KLRD1: variants seen among roughly 807,000 people sequenced by gnomAD.
KLRD1 encodes natural killer cells antigen CD94.
Under a neutral mutation model 22.6 loss-of-function variants are expected in KLRD1, and 21 were observed. The ratio of observed to expected loss-of-function variants is 0.93; its 90% CI spans 0.66 to 1.34. The LOEUF is 1.34. Among genes scored for constraint, KLRD1 ranks in the 40% most tolerant of loss-of-function variants. KLRD1 has a pLI of 0.00. For missense variants in KLRD1, 183 were observed against 208.6 expected, an observed-to-expected ratio of 0.88 and a Z score of 0.76; for synonymous variants, 59 against 71.1, an observed-to-expected ratio of 0.83 and a Z score of 0.85.
chr12:10,253,985 G>A (rs1425668475), intron 1 of KLRD1, among the ~76,000 whole-genome samples: 1 of 152,104 alleles, frequency 6.6e-6, no homozygotes, highest in Non-Finnish European at 1.5e-5. Context: ...CTATAAAAAC[G>A]CTGGAAAACA....
chr12:10,248,530 T>TTTCCTGCCTTCC (rs1949313819), intron 1 of KLRD1, among the ~76,000 whole-genome samples: 1 of 96,586 alleles, frequency 1.0e-5, no homozygotes, highest in Non-Finnish European at 2.1e-5. Flanking sequence ...TGTATTTTCT[T>TTTCCTGCCTTCC]TTCCTTCCTT....
chr12:10,286,191 C>T (rs1268166853), intron 1 of KLRD1, among the ~76,000 whole-genome samples: 5 of 152,168 alleles, frequency 3.3e-5, no homozygotes. Context: ...ACACCTGTTA[C>T]ACATAAAGTG....
chr12:10,263,786 C>CAG (rs1488190387), intron 1 of KLRD1, among the ~76,000 whole-genome samples: 6 of 151,964 alleles, frequency 3.9e-5, no homozygotes, highest in African/African-American at 1.4e-4. Context: ...CTGAGTCGTT[C>CAG]CCTCGCCAGA....
intron 1 of KLRD1, among the ~76,000 whole-genome samples, chr12:10,269,341 A>G (rs1565454371): frequency 6.6e-6 from 1 of 152,002 alleles, no homozygotes; most frequent in Admixed American, 6.6e-5. Flanking sequence ...AGTAGAGACA[A>G]GGTTTCACCA....
At chr12:10,266,619 T>G (rs1592040825) in intron 1 of KLRD1, among the ~76,000 whole-genome samples, 1 of 151,916 alleles carries the variant, frequency 6.6e-6, no homozygotes, top group African/African-American at 2.4e-5. Flanking sequence ...AAAAAATTAT[T>G]TTTTCATACC....
In KLRD1 at chr12:10,329,247, CT is replaced by C. The variant is rs909931174; in HGVS notation, c.*14458del. 2.0e-5 allele frequency: 3 copies of C among 151,948 alleles called. No individual in the cohort carries two copies. The highest frequency in any genetic ancestry group is 4.4e-5 in the Non-Finnish European group (3 of 67,974). The allele number at this position is 151,948 out of a possible 1,614,324, so 9.4% of individuals were successfully genotyped here. ...TATTCTAATGTGTTTTTAAATTTCC[CT>C]TTTGATTTATTCTTTGCAGATTGGT... On this transcript the variant is annotated 3_prime_UTR_variant, in exon 6 of 6. Coordinates refer to ENST00000336164, the MANE Select transcript of KLRD1 (RefSeq NM_002262.5).
Position 10,317,383 on chromosome 12 carries a change from A to G in KLRD1, c.*2590A>G, listed in dbSNP as rs1950255523. 6.6e-6 allele frequency: 1 copy of G among 152,236 alleles called. No homozygotes were observed. Among genetic ancestry groups the G allele is most frequent in the South Asian group, 2.1e-4 (1 of 4,836 alleles). The allele number at this position is 152,236 out of a possible 1,614,324, so 9.4% of individuals were successfully genotyped here. ...AGGGAAAAGCAGAAAGAGAAAGCAG[A>G]TAAGCTATGAGTCTGCCTTTCTTCA... On this transcript the variant is annotated 3_prime_UTR_variant, in exon 6 of 6. Transcript: ENST00000336164.
intron 1 of KLRD1, among the ~76,000 whole-genome samples, chr12:10,269,305 C>T (rs2137641284): frequency 6.6e-6 from 1 of 152,202 alleles, no homozygotes; most frequent in African/African-American, 2.4e-5. Flanking sequence ...CGGTTGCCAC[C>T]ATGCCCAGCT....
intron 4 of KLRD1, among the ~76,000 whole-genome samples, chr12:10,313,059 T>G (rs1468582115): frequency 6.6e-6 from 1 of 151,972 alleles, no homozygotes; most frequent in Non-Finnish European, 1.5e-5. Flanking sequence ...ATAGGTTGAG[T>G]AGATTATACC....
intron 1 of KLRD1, among the ~76,000 whole-genome samples, chr12:10,248,707 C>T (rs1296798759): frequency 6.6e-6 from 1 of 151,312 alleles, no homozygotes; most frequent in Non-Finnish European, 1.5e-5. Context: ...AAGTGATTCT[C>T]CTGCCTCAGC....
At chr12:10,242,363 C>G (rs1029445400) in intron 1 of KLRD1, among the ~76,000 whole-genome samples, 1 of 152,122 alleles carries the variant, frequency 6.6e-6, no homozygotes, top group Non-Finnish European at 1.5e-5. Context: ...AAGCGATCTT[C>G]ACTTGTATCA....
chr12:10,257,786 G>A (rs187627255), intron 1 of KLRD1, among the ~76,000 whole-genome samples: 12 of 151,078 alleles, frequency 7.9e-5, no homozygotes, highest in Non-Finnish European at 1.3e-4. Flanking sequence ...CTGTTTCTTC[G>A]TATGCTTTGA....
intron 1 of KLRD1, among the ~76,000 whole-genome samples, chr12:10,245,483 A>C (rs1281765682): frequency 6.6e-6 from 1 of 152,242 alleles, no homozygotes; most frequent in Non-Finnish European, 1.5e-5. Context: ...GCTTGCAGAA[A>C]GACAGTATGT....
intron 1 of KLRD1, chr12:10,308,811 G>C (rs1219411404): frequency 6.5e-6 from 1 of 153,290 alleles, no homozygotes; most frequent in Middle Eastern, 3.1e-3. Context: ...CCTGCACTGA[G>C]ATGAGGAGAG....
At chr12:10,254,978 C>G (rs937970310) in intron 1 of KLRD1, among the ~76,000 whole-genome samples, 1 of 149,106 alleles carries the variant, frequency 6.7e-6, no homozygotes, top group Non-Finnish European at 1.5e-5. Flanking sequence ...TTGTGGCCTA[C>G]AAGCACATGA....
rs1187510339 is a variant in KLRD1 at position 10,329,533 on chromosome 12, A to G, written c.*14740A>G. ...GTAGGTGACTTGACTTGCAGTGTTG[A>G]TCAGGTCATCTGGGTCTTTGTTGCC... On this transcript the variant is annotated 3_prime_UTR_variant, in exon 6 of 6. Coordinates refer to ENST00000336164, the MANE Select transcript of KLRD1 (RefSeq NM_002262.5). The G allele has an allele frequency of 6.6e-6, 1 of 152,236 alleles. No individual in the cohort carries two copies. The highest frequency in any genetic ancestry group is 1.5e-5 in the Non-Finnish European group (1 of 68,058). 9.4% of individuals were successfully genotyped at this position (152,236 alleles called of 1,614,324 possible). A position where few individuals can be genotyped will look rare whatever the true frequency, so the allele number is the denominator to read the frequency against.
chr12:10,295,520 T>G lies in KLRD1; in HGVS notation c.-100-12458T>G, dbSNP rs138623158. 3.9e-3 allele frequency among the ~76,000 whole-genome samples: 594 copies of G among 151,194 alleles called. 19 individuals carry two copies. The East Asian group carries it at 0.068, about 17-fold the overall frequency. Reference sequence around the variant, plus strand: ...TATCCCATTTTTTTTTGGAAAAAAATAAAAAAACAAAATTATGCTAAATAA... The same window carrying G: ...TATCCCATTTTTTTTTGGAAAAAAAGAAAAAAACAAAATTATGCTAAATAA... On this transcript the variant is annotated intron_variant, in intron 1 of 5. Transcript: ENST00000544747.
At chr12:10,249,973 A>G (rs1949329761) in intron 1 of KLRD1, among the ~76,000 whole-genome samples, 1 of 152,164 alleles carries the variant, frequency 6.6e-6, no homozygotes. Flanking sequence ...TAACAAAGTG[A>G]GGAGTATAGT....
At chr12:10,256,619 T>C (rs1392655237) in intron 1 of KLRD1, among the ~76,000 whole-genome samples, 1 of 152,082 alleles carries the variant, frequency 6.6e-6, no homozygotes, top group East Asian at 1.9e-4. Context: ...CTCTGCTTTA[T>C]GATATCAATA....
Sources: gnomAD v4.1 joint callset for allele counts (sites outside exome capture counted in the v4.1 genomes callset) on GRCh38, gnomAD v4.1.1 for gene constraint, MANE v1.5 for transcripts, NCBI Gene and HGNC (gene_info 2026-07-23, HGNC 2026-07-21) for gene names.